Variants in ACYP2 observed in about 807,000 individuals in gnomAD.
The protein encoded by ACYP2 is acylphosphatase 2, also known as acylphosphatase-2.
A neutral mutation model predicts 11.2 loss-of-function variants in ACYP2; 12 were observed. The observed-to-expected ratio is 1.08, with a 90% CI of 0.69 to 1.74. The LOEUF (loss-of-function observed/expected upper bound fraction) is 1.74. Among genes scored for constraint, ACYP2 ranks in the 40% most tolerant of loss-of-function variants. The pLI, the probability that ACYP2 is intolerant of heterozygous loss-of-function variation, is 0.00. For missense variants in ACYP2, 134 were observed against 101.9 expected, an observed-to-expected ratio of 1.31 and a Z score of -1.35; for synonymous variants, 43 against 32.2, an observed-to-expected ratio of 1.33 and a Z score of -1.13.
Position 54,181,927 on chromosome 2 carries a change from TA to T in ACYP2, c.404+43182del, listed in dbSNP as rs754134306. 1.7e-3 allele frequency among the ~76,000 whole-genome samples: 254 copies of T among 152,124 alleles called. 3 individuals carry two copies. Among genetic ancestry groups the T allele is most frequent in the Non-Finnish European group, 1.6e-3 (108 of 68,004 alleles). On this transcript the variant is annotated intron_variant, in intron 6 of 6. Coordinates refer to ENST00000607452, the MANE Select transcript of ACYP2 (RefSeq NM_001320586.2). ...AAAAAGGTTCATAAAACATAGGCCA[TA>T]AATCTTAAAATCTGATGGACCCTCT...
intron 2 of ACYP2, among the ~76,000 whole-genome samples, chr2:54,014,496 T>A (rs913798900): frequency 1.2e-4 from 19 of 152,070 alleles, no homozygotes; most frequent in African/African-American, 4.3e-4. Context: ...ATTTTTTGTA[T>A]TTTTAGTAGA....
chr2:54,225,599 C>A (rs1685982465), intron 6 of ACYP2, among the ~76,000 whole-genome samples: 1 of 152,112 alleles, frequency 6.6e-6, no homozygotes, highest in Non-Finnish European at 1.5e-5. Context: ...TGGTGCAACA[C>A]TAACTCTTTG....
chr2:54,002,272 C>T (rs1313054087), intron 2 of ACYP2, among the ~76,000 whole-genome samples: 1 of 152,150 alleles, frequency 6.6e-6, no homozygotes, highest in African/African-American at 2.4e-5. Context: ...GTAGTGTTTT[C>T]CAATTGTCAT....
chr2:54,026,012 G>T (rs1307931805), intron 2 of ACYP2, among the ~76,000 whole-genome samples: 1 of 152,210 alleles, frequency 6.6e-6, no homozygotes, highest in Non-Finnish European at 1.5e-5. Flanking sequence ...AGCTACTTGG[G>T]AGGGTGAGGC....
In ACYP2 at chr2:53,982,872, G is replaced by GTA. The variant is rs1553348059; in HGVS notation, c.62+9063_62+9064insAT. On this transcript the variant is annotated intron_variant, in intron 2 of 6. Transcript: ENST00000607452. ...TGTGTGTGTGTGTGTGTGTGTGTGTGTGATATAAATAGGTTCAGGGAGAAC... is the reference window on the plus strand; with the variant it reads ...TGTGTGTGTGTGTGTGTGTGTGTGTGTATGATATAAATAGGTTCAGGGAGAAC... 4.5e-3 allele frequency among the ~76,000 whole-genome samples: 653 copies of GTA among 143,754 alleles called. 1 individual carries two copies. The highest frequency in any genetic ancestry group is 0.016 in the East Asian group (78 of 4,820). 94.3% of individuals were successfully genotyped at this position (143,754 alleles called of 152,430 possible).
chr2:54,192,193 G>A (rs1483547817), intron 6 of ACYP2, among the ~76,000 whole-genome samples: 1 of 152,112 alleles, frequency 6.6e-6, no homozygotes, highest in East Asian at 1.9e-4. Context: ...TCAGTGTACG[G>A]AAGCCAGCTA....
At chr2:54,256,391 G>A (rs968898888) in intron 6 of ACYP2, 4 of 506,866 alleles carry the variant, frequency 7.9e-6, no homozygotes, top group Non-Finnish European at 7.2e-6. Flanking sequence ...ATTACATGGT[G>A]GTTTTAATTT....
At chr2:54,004,894 CAAAAAAAAAAAAA>C (rs754230632) in intron 2 of ACYP2, among the ~76,000 whole-genome samples, 1 of 31,932 alleles carries the variant, frequency 3.1e-5, no homozygotes, top group Non-Finnish European at 6.6e-5. Flanking sequence ...GACTCTGTCT[CAAAAAAAAAAAAA>C]AAAAAAAACA....
chr2:54,133,814 G>T (rs370398845), intron 4 of ACYP2, among the ~76,000 whole-genome samples: 2 of 152,160 alleles, frequency 1.3e-5, no homozygotes, highest in South Asian at 4.1e-4. Flanking sequence ...GAACCAGCCT[G>T]TCTCTTGTGT....
chr2:54,305,204 GTTAT>G lies in ACYP2; in HGVS notation c.*405_*408del, dbSNP rs1264519173. The G allele has an allele frequency of 3.3e-5, 5 of 152,910 alleles. No individual in the cohort carries two copies. The highest frequency in any genetic ancestry group is 1.9e-4 in the East Asian group (1 of 5,228). 9.5% of individuals were successfully genotyped at this position (152,910 alleles called of 1,614,324 possible). On this transcript the variant is annotated 3_prime_UTR_variant, in exon 7 of 7. Coordinates refer to ENST00000607452, the MANE Select transcript of ACYP2 (RefSeq NM_001320586.2). Reference sequence around the variant, plus strand: ...ATCCTCTGAATAATTTGTTACTACGGTTATTTGTTATTAAACTCTTCAAAAAGAA... The same window carrying G: ...ATCCTCTGAATAATTTGTTACTACGGTTGTTATTAAACTCTTCAAAAAGAA...
chr2:54,245,387 G>T (rs1305186623), intron 6 of ACYP2, among the ~76,000 whole-genome samples: 1 of 152,126 alleles, frequency 6.6e-6, no homozygotes, highest in Non-Finnish European at 1.5e-5. Context: ...CTTTCCTTTG[G>T]ATAAATGCTG....
At chr2:54,197,070 A>G (rs1684520111) in intron 6 of ACYP2, among the ~76,000 whole-genome samples, 1 of 152,172 alleles carries the variant, frequency 6.6e-6, no homozygotes, top group Non-Finnish European at 1.5e-5. Context: ...CCCTTTACAG[A>G]GGAGCAAAAT....
intron 6 of ACYP2, among the ~76,000 whole-genome samples, chr2:54,259,926 T>A (rs1224256759): frequency 6.6e-6 from 1 of 152,186 alleles, no homozygotes; most frequent in Non-Finnish European, 1.5e-5. Context: ...GGTGGGGAAA[T>A]GGATCAAAGA....
intron 4 of ACYP2, among the ~76,000 whole-genome samples, chr2:54,060,589 T>C (rs894398990): frequency 1.3e-5 from 2 of 152,216 alleles, no homozygotes; most frequent in Non-Finnish European, 2.9e-5. Flanking sequence ...AATAACCTAA[T>C]TTATTAATTT....
chr2:54,284,595 T>TA (rs1353738200), intron 6 of ACYP2, among the ~76,000 whole-genome samples: 4 of 152,184 alleles, frequency 2.6e-5, no homozygotes, highest in African/African-American at 4.8e-5. Flanking sequence ...CCTTTTTTTT[T>TA]ATCCCATCAT....
chr2:54,236,771 A>G (rs751010063), intron 6 of ACYP2, among the ~76,000 whole-genome samples: 38 of 152,192 alleles, frequency 2.5e-4, no homozygotes, highest in Non-Finnish European at 4.6e-4. Context: ...AGGTATGTTC[A>G]GATTTCTCAC....
chr2:54,052,335 C>G (rs763582245), intron 3 of ACYP2, among the ~76,000 whole-genome samples: 6 of 151,970 alleles, frequency 3.9e-5, no homozygotes, highest in East Asian at 1.9e-4. Context: ...TTAGATAACC[C>G]TGTCCTGGTG....
At chr2:54,101,404 C>G (rs1377259226) in intron 4 of ACYP2, among the ~76,000 whole-genome samples, 2 of 152,132 alleles carry the variant, frequency 1.3e-5, no homozygotes, top group Non-Finnish European at 2.9e-5. Context: ...GGCGCGGTGG[C>G]TCACGCCTGT....
intron 6 of ACYP2, among the ~76,000 whole-genome samples, chr2:54,149,238 T>G (rs2103805721): frequency 6.6e-6 from 1 of 152,332 alleles, no homozygotes; most frequent in Non-Finnish European, 1.5e-5. Context: ...TCCCAGGCCA[T>G]GAAAATGTGG....
Sources: gnomAD v4.1 joint callset for allele counts (sites outside exome capture counted in the v4.1 genomes callset) on GRCh38, gnomAD v4.1.1 for gene constraint, MANE v1.5 for transcripts, NCBI Gene and HGNC (gene_info 2026-07-23, HGNC 2026-07-21) for gene names.